GABRA3: variants seen among roughly 807,000 people sequenced by gnomAD.
GABRA3 encodes gamma-aminobutyric acid type A receptor subunit alpha3, also known as gamma-aminobutyric acid receptor subunit alpha-3.
In GABRA3, 10 loss-of-function variants were observed where a neutral mutation model predicts 30.1. The ratio of observed to expected loss-of-function variants is 0.33; its 90% CI spans 0.20 to 0.56. GABRA3 has a LOEUF of 0.56. GABRA3 is among the 20% of genes least tolerant of loss of function. The pLI is 0.89. For synonymous variants in GABRA3, 151 were observed against 146.8 expected, an observed-to-expected ratio of 1.03 and a Z score of -0.21; for missense variants, 233 against 392.0, an observed-to-expected ratio of 0.59 and a Z score of 3.42.
chrX:152,267,965 T>A (rs1938858459), intron 4 of GABRA3, among the ~76,000 whole-genome samples: 1 of 110,547 alleles, frequency 9.0e-6, no homozygotes, highest in Non-Finnish European at 1.9e-5. Flanking sequence ...CTTCTGTATA[T>A]TTTGTTTTAA....
intron 4 of GABRA3, among the ~76,000 whole-genome samples, chrX:152,274,942 A>G (rs1251618543): frequency 2.9e-5 from 3 of 104,282 alleles, no homozygotes; most frequent in African/African-American, 1.0e-4. Context: ...GAGAATTGTT[A>G]TGGGTAGGGG....
intron 2 of GABRA3, among the ~76,000 whole-genome samples, chrX:152,355,631 A>T (rs2124488034): frequency 8.9e-6 from 1 of 111,934 alleles, no homozygotes; most frequent in African/African-American, 3.2e-5. Flanking sequence ...TCCTCAAATA[A>T]TTGAAATGTC....
At chrX:152,279,493 A>G (rs1389615254) in intron 4 of GABRA3, among the ~76,000 whole-genome samples, 3 of 111,867 alleles carry the variant, frequency 2.7e-5, no homozygotes, top group African/African-American at 9.7e-5. Context: ...TACCAGTACC[A>G]TGCTGTTTTG....
rs1204814043 is a variant in GABRA3, at chrX:152,445,060, C to CAAAA, written c.-27+6082_-27+6085dup. 4.9e-3 allele frequency among the ~76,000 whole-genome samples: 91 copies of CAAAA among 18,714 alleles called. 3 individuals are homozygous for CAAAA. The highest frequency in any genetic ancestry group is 0.013 in the African/African-American group (77 of 6,102). The allele number at this position is 18,714 out of a possible 115,157, so 16.3% of individuals were successfully genotyped here. A position where few individuals can be genotyped will look rare whatever the true frequency, so the allele number is the denominator to read the frequency against. ...TGGGCAACAGAGTGAGACTCCGTCT[C>CAAAA]AAAAAAAAAAAAAAAAAAAAAAAAA... On this transcript the variant is annotated intron_variant, in intron 1 of 9. Coordinates refer to ENST00000370314, the MANE Select transcript of GABRA3 (RefSeq NM_000808.4).
intron 3 of GABRA3, among the ~76,000 whole-genome samples, chrX:152,342,447 T>G (rs1297084311): frequency 1.8e-5 from 2 of 111,745 alleles, no homozygotes; most frequent in Non-Finnish European, 3.8e-5. Context: ...AGTGCACTGA[T>G]TTCCATTTCA....
intron 5 of GABRA3, among the ~76,000 whole-genome samples, chrX:152,234,566 T>G (rs781742554): frequency 9.0e-6 from 1 of 111,519 alleles, no homozygotes; most frequent in South Asian, 3.7e-4. Context: ...ATCAGTAGAG[T>G]TTTTCTAGAT....
chrX:152,238,066 G>A (rs1353737534), intron 5 of GABRA3, among the ~76,000 whole-genome samples: 1 of 107,558 alleles, frequency 9.3e-6, no homozygotes, highest in African/African-American at 3.4e-5. Context: ...TCCCTGTCTT[G>A]TGCCAGTTTT....
At position 152,189,761 on chromosome X, in the gene GABRA3, C is replaced by A. The variant is rs201199669; in HGVS notation, c.1112G>T (p.Gly371Val). 1.8e-5 allele frequency: 22 copies of A among 1,207,241 alleles called. No homozygotes were observed. The highest frequency in any genetic ancestry group is 2.5e-5 in the Non-Finnish European group (22 of 893,944). The change falls in exon 9 of 10, where the codon GGC becomes GTC. Residue 371 changes from glycine to valine, a missense_variant. This residue lies in a region of GABRA3 where 20 missense variants were observed against 84.3 expected (regional missense o/e 0.24). Transcript: ENST00000370314. ...CTCCAGGGCCTCTGGCACCTTCTTGCCTTCCCAAGCCCAACTCCGCTTGGT... is the reference window on the plus strand; with the variant it reads ...CTCCAGGGCCTCTGGCACCTTCTTGACTTCCCAAGCCCAACTCCGCTTGGT... ...YFTKRSWAWE[G>V]KKVPEALEMK...
At chrX:152,216,378 T>C (rs1411438402) in intron 6 of GABRA3, among the ~76,000 whole-genome samples, 2 of 90,701 alleles carry the variant, frequency 2.2e-5, no homozygotes, top group Non-Finnish European at 4.3e-5. Context: ...GAAAATGTTA[T>C]ATAATATATA....
intron 4 of GABRA3, among the ~76,000 whole-genome samples, chrX:152,282,822 G>C (rs1490512626): frequency 9.0e-6 from 1 of 111,682 alleles, no homozygotes; most frequent in Middle Eastern, 4.6e-3. Flanking sequence ...GCCTAGAATA[G>C]TGTGTGGGCT....
intron 4 of GABRA3, among the ~76,000 whole-genome samples, chrX:152,271,523 A>G (rs980599604): frequency 2.7e-5 from 3 of 112,558 alleles, no homozygotes; most frequent in African/African-American, 9.7e-5. Context: ...GAGGAAGCAG[A>G]GTATAGAAGA....
chrX:152,221,604 T>C (rs1422015470), intron 6 of GABRA3, among the ~76,000 whole-genome samples: 1 of 111,971 alleles, frequency 8.9e-6, no homozygotes, highest in Admixed American at 9.5e-5. Context: ...ATTTCTTGAG[T>C]ATTTGGGCTG....
At chrX:152,333,363 A>G (rs1433141029) in intron 3 of GABRA3, among the ~76,000 whole-genome samples, 1 of 111,648 alleles carries the variant, frequency 9.0e-6, no homozygotes, top group Non-Finnish European at 1.9e-5. Context: ...TACAAAGTAA[A>G]CCTACAACAA....
chrX:152,265,467 C>T (rs1161107772), intron 4 of GABRA3, among the ~76,000 whole-genome samples: 1 of 111,085 alleles, frequency 9.0e-6, no homozygotes, highest in East Asian at 2.8e-4. Flanking sequence ...GCAAACACAA[C>T]ATACCAAAAC....
At chrX:152,448,973 G>A (rs1003861653) in intron 1 of GABRA3, among the ~76,000 whole-genome samples, 5 of 111,190 alleles carry the variant, frequency 4.5e-5, no homozygotes, top group Non-Finnish European at 3.8e-5. Context: ...AGAAAACTCC[G>A]TAGGGTCAAT....
intron 4 of GABRA3, among the ~76,000 whole-genome samples, chrX:152,278,205 A>C (rs5970255): frequency 0.2 from 21,308 of 109,175 alleles, 2,394 homozygotes; most frequent in African/African-American, 0.42. Context: ...GTGTGCTGCA[A>C]CCACTAACTT....
chrX:152,221,934 T>A (rs1386337047), intron 6 of GABRA3, among the ~76,000 whole-genome samples: 3 of 111,881 alleles, frequency 2.7e-5, no homozygotes, highest in Non-Finnish European at 5.6e-5. Context: ...TGTGTTCTCA[T>A]CATTTAGCGC....
At chrX:152,443,252 A>G (rs1430386929) in intron 1 of GABRA3, among the ~76,000 whole-genome samples, 1 of 112,041 alleles carries the variant, frequency 8.9e-6, no homozygotes, top group Non-Finnish European at 1.9e-5. Flanking sequence ...AAAGTATTCA[A>G]TCTCATTATA....
intron 1 of GABRA3, among the ~76,000 whole-genome samples, chrX:152,445,739 C>T (rs1400646888): frequency 9.0e-6 from 1 of 111,250 alleles, no homozygotes; most frequent in Non-Finnish European, 1.9e-5. Context: ...ATGTCAGTCA[C>T]CCTATTCAAA....
Sources: gnomAD v4.1 joint callset for allele counts (sites outside exome capture counted in the v4.1 genomes callset) on GRCh38, gnomAD v4.1.1 for gene constraint, gnomAD v4.1.1 regional missense constraint, MANE v1.5 for transcripts, NCBI Gene and HGNC (gene_info 2026-07-23, HGNC 2026-07-21) for gene names.